Variants in QTRT2 observed in about 807,000 individuals in gnomAD.
QTRT2 encodes the protein queuine tRNA-ribosyltransferase accessory subunit 2, also known as queuine tRNA-ribosyltransferase domain containing 1.
A neutral mutation model predicts 44.8 loss-of-function variants in QTRT2; 32 were observed. That is an observed-to-expected ratio of 0.71 (90% confidence interval 0.54 to 0.96). The LOEUF (loss-of-function observed/expected upper bound fraction) is 0.96. Ranked by LOEUF, QTRT2 falls within the 40% of genes least tolerant of loss-of-function variation. The pLI is 0.00. For synonymous variants in QTRT2, 182 were observed against 187.4 expected, an observed-to-expected ratio of 0.97 and a Z score of 0.24; for missense variants, 461 against 503.1, an observed-to-expected ratio of 0.92 and a Z score of 0.80.
intron 8 of QTRT2, 100 bp from the exon 9 acceptor site, chr3:114,082,575 TAC>T: frequency 3.8e-6 from 2 of 526,886 alleles, no homozygotes; most frequent in Non-Finnish European, 6.9e-6. Context: ...GGAGTGAAAT[TAC>T]AGAGTCAAAG....
rs1339049259 is a variant in QTRT2, at chr3:114,082,795, G to A, written c.1016+1G>A. On this transcript the variant is annotated splice_donor_variant, in intron 9 of 9. Transcript: ENST00000281273. LOFTEE classifies it high-confidence loss of function. The stretch of plus-strand genomic sequence containing the variant: ...TTGAAATTAATCTGAAGGAAAAAAA[G>A]TAAGAAATTTTTAAAAGTTTGGATT... 6 of 1,355,948 alleles carry A rather than the reference G, an allele frequency of 4.4e-6. No homozygotes were observed. The highest frequency in any genetic ancestry group is 2.2e-5 in the Admixed American group (1 of 45,448). The allele number at this position is 1,355,948 out of a possible 1,614,324, so 84.0% of individuals were successfully genotyped here. A position where few individuals can be genotyped will look rare whatever the true frequency, so the allele number is the denominator to read the frequency against.
intron 4 of QTRT2, 62 bp from the exon 5 acceptor site, chr3:114,067,925 C>A: frequency 1.4e-6 from 2 of 1,446,618 alleles, no homozygotes; most frequent in Non-Finnish European, 1.9e-6. Flanking sequence ...CTGCTCCCTG[C>A]TATAATACAG....
chr3:114,057,161 C>G, intron 2 of QTRT2, 55 bp downstream of exon 2: 1 of 951,714 alleles, frequency 1.1e-6, no homozygotes, highest in East Asian at 4.3e-5. Flanking sequence ...GTGGGACCGT[C>G]TTCAATCTCT....
At chr3:114,064,257 T>C (rs2076924480) in intron 2 of QTRT2, among the ~76,000 whole-genome samples, 1 of 151,976 alleles carries the variant, frequency 6.6e-6, no homozygotes, top group Non-Finnish European at 1.5e-5. Context: ...AATTGGATCC[T>C]CTCTGATAGC....
At chr3:114,078,032 G>A (rs2077116020) in intron 7 of QTRT2, 1 of 152,170 alleles carries the variant, frequency 6.6e-6, no homozygotes, top group African/African-American at 2.4e-5. Flanking sequence ...GTACAACTTG[G>A]AGGAAAGCAC....
Position 114,056,989 on chromosome 3 carries a change from C to G in QTRT2, c.-129-10C>G. The G allele has an allele frequency of 2.1e-6, 3 of 1,449,276 alleles. No homozygotes were observed. Among genetic ancestry groups the G allele is most frequent in the Non-Finnish European group, 2.7e-6 (3 of 1,105,504 alleles). The allele number at this position is 1,449,276 out of a possible 1,614,324, so 89.8% of individuals were successfully genotyped here. On this transcript the variant is annotated splice_polypyrimidine_tract_variant and intron_variant, in intron 1 of 9. Coordinates refer to ENST00000281273, the MANE Select transcript of QTRT2 (RefSeq NM_024638.4). ...TACTCCCGCCATGTCTCCTCTGCTT[C>G]CCTTTTCAGGGTGTCCTGGTGGATT... is the stretch of plus-strand genomic sequence containing the variant.
At chr3:114,057,179 G>T (rs2076806849) in intron 2 of QTRT2, 73 bp downstream of exon 2, 2 of 755,658 alleles carry the variant, frequency 2.6e-6, no homozygotes, top group African/African-American at 1.8e-5. Context: ...TCTGAGCCAG[G>T]TGCCTAGGGA....
At chr3:114,074,916 C>T (rs1337611674) in intron 6 of QTRT2, among the ~76,000 whole-genome samples, 1 of 152,166 alleles carries the variant, frequency 6.6e-6, no homozygotes, top group East Asian at 1.9e-4. Flanking sequence ...GCGTAGGAAG[C>T]CATACTGTGT....
chr3:114,086,105 C>G lies in QTRT2; in HGVS notation c.*201C>G. ...AAAGACTTAAATGACCTGGATTGAT[C>G]AGAGAGAATTGAACTGTGACCTTTA... On this transcript the variant is annotated 3_prime_UTR_variant, in exon 10 of 10. Transcript: ENST00000281273. 1 of 546,580 alleles carries G rather than the reference C, an allele frequency of 1.8e-6. No homozygotes were observed. The highest frequency in any genetic ancestry group is 3.3e-6 in the Non-Finnish European group (1 of 305,198). 33.9% of individuals were successfully genotyped at this position (546,580 alleles called of 1,614,324 possible).
chr3:114,083,667 A>G (rs529911020), intron 9 of QTRT2, among the ~76,000 whole-genome samples: 1 of 152,262 alleles, frequency 6.6e-6, no homozygotes, highest in South Asian at 2.1e-4. Flanking sequence ...ACTTATGTCT[A>G]TCTAGTGATA....
At position 114,058,375 on chromosome 3, in the gene QTRT2, TTC is replaced by T. The variant is rs145795474; in HGVS notation, c.-22+1271_-22+1272del. ...CTCCAGTGAGTTTGGAAATTATGCATTCTGTCATTAATCGTTTAACAGTTACT... is the reference window on the plus strand; with the variant it reads ...CTCCAGTGAGTTTGGAAATTATGCATTGTCATTAATCGTTTAACAGTTACT... On this transcript the variant is annotated intron_variant, in intron 2 of 9. Transcript: ENST00000281273. 4.6e-3 allele frequency among the ~76,000 whole-genome samples: 694 copies of T among 152,322 alleles called. 7 individuals carry two copies. Among genetic ancestry groups the T allele is most frequent in the African/African-American group, 0.016 (662 of 41,570 alleles).
intron 6 of QTRT2, among the ~76,000 whole-genome samples, chr3:114,075,848 C>T (rs781723270): frequency 6.6e-6 from 1 of 152,120 alleles, no homozygotes; most frequent in Non-Finnish European, 1.5e-5. Flanking sequence ...TAAGCTTTAG[C>T]TTGTTTAGGA....
chr3:114,068,349 G>A (rs1277966431), intron 5 of QTRT2: 1 of 317,562 alleles, frequency 3.1e-6, no homozygotes, highest in East Asian at 5.9e-5. Context: ...GCTATGATAG[G>A]GGAAAACGAT....
intron 7 of QTRT2, chr3:114,078,595 A>G (rs1420494345): frequency 1.3e-5 from 2 of 152,238 alleles, no homozygotes; most frequent in Non-Finnish European, 1.5e-5. Flanking sequence ...AGTGCCATTA[A>G]TAGTCTCAGA....
In QTRT2 at chr3:114,070,615, C is replaced by T. The variant is rs2077012171; in HGVS notation, c.334-11C>T. 3 of 1,611,414 alleles carry T rather than the reference C, an allele frequency of 1.9e-6. No homozygotes were observed. The highest frequency in any genetic ancestry group is 1.3e-5 in the African/African-American group (1 of 74,852). ...CTCTTGCTAATTCCTCATCATTTTGCTCCATGGCAGTCTGTGTCTGTGTGG... is the reference window on the plus strand; with the variant it reads ...CTCTTGCTAATTCCTCATCATTTTGTTCCATGGCAGTCTGTGTCTGTGTGG... On this transcript the variant is annotated splice_polypyrimidine_tract_variant and intron_variant, in intron 5 of 9. Transcript: ENST00000281273.
At position 114,063,478 on chromosome 3, in the gene QTRT2, T is replaced by A. The variant is rs562257122; in HGVS notation, c.-21-1759T>A. The stretch of plus-strand genomic sequence containing the variant: ...TTTTAATGTGTAACAATAGGGTATG[T>A]AAAAAAATAGCTTTTATACTATTTA... On this transcript the variant is annotated intron_variant, in intron 2 of 9. Coordinates refer to ENST00000281273, the MANE Select transcript of QTRT2 (RefSeq NM_024638.4). Among the ~76,000 whole-genome samples the A allele has an allele frequency of 2.4e-3, 361 of 152,206 alleles. 3 individuals are homozygous for A. Among genetic ancestry groups the A allele is most frequent in the African/African-American group, 8.2e-3 (340 of 41,558 alleles).
At chr3:114,063,735 T>C (rs2076917173) in intron 2 of QTRT2, among the ~76,000 whole-genome samples, 1 of 152,186 alleles carries the variant, frequency 6.6e-6, no homozygotes, top group South Asian at 2.1e-4. Flanking sequence ...AAAGTAGTTA[T>C]TCTTATGTCT....
intron 9 of QTRT2, among the ~76,000 whole-genome samples, chr3:114,083,610 GT>G (rs2077196635): frequency 6.6e-6 from 1 of 152,154 alleles, no homozygotes; most frequent in South Asian, 2.1e-4. Flanking sequence ...TAGTGCTGGG[GT>G]GGGTTTTTTG....
At position 114,076,136 on chromosome 3, in the gene QTRT2, C is replaced by G. The variant is rs562619895; in HGVS notation, c.547-607C>G. Among the ~76,000 whole-genome samples, 33 of 152,178 alleles carry G rather than the reference C, an allele frequency of 2.2e-4. No individual in the cohort carries two copies. In the South Asian group the frequency reaches 5.6e-3, roughly 26 times the overall value. On this transcript the variant is annotated intron_variant, in intron 6 of 9. Coordinates refer to ENST00000281273, the MANE Select transcript of QTRT2 (RefSeq NM_024638.4). ...ATTAAAACTCTTATTTTGTCCTTTT[C>G]CTCTTGAACCTGTTTAGTGTACATT... is the stretch of plus-strand genomic sequence containing the variant.
Sources: allele counts gnomAD v4.1 joint callset (sites outside exome capture counted in the v4.1 genomes callset), GRCh38; gene constraint gnomAD v4.1.1; transcripts MANE v1.5; gene names NCBI Gene and HGNC (gene_info 2026-07-23, HGNC 2026-07-21).